SCD5: variants seen among roughly 807,000 people sequenced by gnomAD.
SCD5 encodes acyl-CoA-desaturase 4.
SCD5 carries 20 observed loss-of-function variants against 30.4 expected under a neutral mutation model. The ratio of observed to expected loss-of-function variants is 0.66; its 90% CI spans 0.46 to 0.96. The LOEUF (loss-of-function observed/expected upper bound fraction) is 0.96. Among genes scored for constraint, SCD5 ranks in the 40% least tolerant of loss-of-function variants. The pLI, the probability that SCD5 is intolerant of heterozygous loss-of-function variation, is 0.00. For synonymous variants in SCD5, 173 were observed against 176.4 expected, an observed-to-expected ratio of 0.98 and a Z score of 0.16; for missense variants, 381 against 443.3, an observed-to-expected ratio of 0.86 and a Z score of 1.26.
At chr4:82,789,991 G>A (rs1480291172) in intron 1 of SCD5, among the ~76,000 whole-genome samples, 2 of 152,134 alleles carry the variant, frequency 1.3e-5, no homozygotes, top group East Asian at 3.9e-4. Flanking sequence ...TTTCCCCCAG[G>A]ACTGAGTCTG....
chr4:82,732,903 C>T (rs1355577931), intron 1 of SCD5, among the ~76,000 whole-genome samples: 1 of 152,156 alleles, frequency 6.6e-6, no homozygotes, highest in Non-Finnish European at 1.5e-5. Flanking sequence ...GAAGCATTGG[C>T]ACCACCTGGA....
chr4:82,738,885 C>T (rs4549369), intron 1 of SCD5, among the ~76,000 whole-genome samples: 22,066 of 152,106 alleles, frequency 0.15, 2,840 homozygotes, highest in African/African-American at 0.35. Context: ...CCCCATTTTA[C>T]AGATGAGGCA....
At chr4:82,771,718 G>A (rs897200887) in intron 1 of SCD5, among the ~76,000 whole-genome samples, 5 of 152,102 alleles carry the variant, frequency 3.3e-5, no homozygotes, top group African/African-American at 4.8e-5. Context: ...GGCCACTACC[G>A]ACCAGCTTCC....
chr4:82,662,841 C>T (rs1227776133), intron 3 of SCD5, among the ~76,000 whole-genome samples: 15 of 128,816 alleles, frequency 1.2e-4, no homozygotes, highest in Admixed American at 1.1e-3. Flanking sequence ...GCCTGGGCAA[C>T]GAGCAAACTC....
intron 2 of SCD5, among the ~76,000 whole-genome samples, chr4:82,692,764 T>G (rs1719582469): frequency 6.6e-6 from 1 of 152,192 alleles, no homozygotes; most frequent in African/African-American, 2.4e-5. Flanking sequence ...ACCTGAGATG[T>G]GTTCATAAAC....
At chr4:82,637,651 T>C (rs1283045860) in intron 3 of SCD5, among the ~76,000 whole-genome samples, 2 of 152,212 alleles carry the variant, frequency 1.3e-5, no homozygotes, top group African/African-American at 4.8e-5. Context: ...AACATCAAAG[T>C]AACTGAAGCT....
intron 1 of SCD5, among the ~76,000 whole-genome samples, chr4:82,750,085 T>G (rs772492338): frequency 6.6e-6 from 1 of 152,206 alleles, no homozygotes; most frequent in Non-Finnish European, 1.5e-5. Flanking sequence ...TGTGAACAAT[T>G]GTAGTGGGGA....
At chr4:82,797,210 C>T (rs1173671778) in intron 1 of SCD5, among the ~76,000 whole-genome samples, 4 of 152,194 alleles carry the variant, frequency 2.6e-5, no homozygotes, top group African/African-American at 9.7e-5. Context: ...TTCTTCCTTC[C>T]TCTTCCCCTC....
rs758107240 is a variant in SCD5, at chr4:82,680,791, C to T, written c.485G>A (p.Arg162His). The T allele has an allele frequency of 1.9e-6, 3 of 1,613,870 alleles. No individual in the cohort carries two copies. The highest frequency in any genetic ancestry group is 2.2e-5 in the South Asian group (2 of 91,064). Residue 162 changes from arginine (R) to histidine (H), a missense_variant, in exon 3 of 5, where the codon CGC (arginine) becomes CAC (histidine). Physicochemically the swap from Arg to His is conservative, Grantham distance 29 (BLOSUM62 0). Coordinates refer to ENST00000319540, the MANE Select transcript of SCD5 (RefSeq NM_001037582.3). ...CTTCTCAATAACATCTCGATGCTTG[C>T]GAACAAACAGCCACCCAATATGGGA... ...FFSHIGWLFV[R>H]KHRDVIEKGR...
At chr4:82,647,593 T>C (rs945314172) in intron 3 of SCD5, among the ~76,000 whole-genome samples, 52 of 152,244 alleles carry the variant, frequency 3.4e-4, no homozygotes, top group Middle Eastern at 3.4e-3. Flanking sequence ...GTTACGTGGG[T>C]CCCTTCCTGT....
chr4:82,631,635 G>A (rs1420442113), intron 4 of SCD5, 118 bp from the exon 5 acceptor site: 1 of 1,062,318 alleles, frequency 9.4e-7, no homozygotes, highest in Non-Finnish European at 1.3e-6. Context: ...CCTCTGTGAG[G>A]AGCAAAAGAC....
At chr4:82,653,996 C>T (rs1221251575) in intron 3 of SCD5, among the ~76,000 whole-genome samples, 1 of 151,930 alleles carries the variant, frequency 6.6e-6, no homozygotes, top group African/African-American at 2.4e-5. Context: ...GGGCTCACCG[C>T]AGCTTCTGTC....
chr4:82,772,409 G>A (rs957867306), intron 1 of SCD5, among the ~76,000 whole-genome samples: 2 of 152,218 alleles, frequency 1.3e-5, no homozygotes, highest in Non-Finnish European at 2.9e-5. Context: ...GCACCCCACC[G>A]TTCTGTCAAT....
At chr4:82,726,133 C>T (rs1720463494) in intron 1 of SCD5, among the ~76,000 whole-genome samples, 1 of 152,010 alleles carries the variant, frequency 6.6e-6, no homozygotes, top group Non-Finnish European at 1.5e-5. Context: ...AAACAATAAC[C>T]TTGGGTCAGG....
At chr4:82,661,314 G>A (rs1728002277) in intron 3 of SCD5, among the ~76,000 whole-genome samples, 1 of 152,204 alleles carries the variant, frequency 6.6e-6, no homozygotes. Flanking sequence ...GCCTGCACAT[G>A]ACTAATCTAA....
intron 3 of SCD5, among the ~76,000 whole-genome samples, chr4:82,679,155 C>T (rs1440699317): frequency 4.7e-5 from 7 of 147,798 alleles, no homozygotes; most frequent in East Asian, 4.0e-4. Context: ...GCCGAGATCA[C>T]GCCACTGCAC....
At chr4:82,777,016 C>G (rs1182131024) in intron 1 of SCD5, among the ~76,000 whole-genome samples, 2 of 152,220 alleles carry the variant, frequency 1.3e-5, no homozygotes, top group Admixed American at 6.5e-5. Flanking sequence ...ACATGCTGCG[C>G]CCATGCTCTT....
At chr4:82,654,591 G>A (rs990863446) in intron 3 of SCD5, among the ~76,000 whole-genome samples, 1 of 152,070 alleles carries the variant, frequency 6.6e-6, no homozygotes, top group African/African-American at 2.4e-5. Flanking sequence ...AATTTCCAAG[G>A]TGGGATTACA....
chr4:82,635,006 G>A, intron 4 of SCD5, among the ~76,000 whole-genome samples: 1 of 152,172 alleles, frequency 6.6e-6, no homozygotes, highest in Admixed American at 6.5e-5. Flanking sequence ...TGGGATCCCT[G>A]GGGTCTGAAA....
Sources: gnomAD v4.1 joint callset for allele counts (sites outside exome capture counted in the v4.1 genomes callset) on GRCh38, gnomAD v4.1.1 for gene constraint, MANE v1.5 for transcripts, NCBI Gene and HGNC (gene_info 2026-07-23, HGNC 2026-07-21) for gene names.